Variants in DOP1B observed in about 807,000 individuals in gnomAD.
The protein encoded by DOP1B is DOP1 leucine zipper like protein B.
A neutral mutation model predicts 233.5 loss-of-function variants in DOP1B; 174 were observed. The observed-to-expected ratio is 0.75, with a 90% CI of 0.66 to 0.85. DOP1B has a LOEUF of 0.85. DOP1B is among the 40% of genes least tolerant of loss of function. The pLI, the probability that DOP1B is intolerant of heterozygous loss-of-function variation, is 0.00. For missense variants in DOP1B, 2,652 were observed against 2,846.6 expected (o/e 0.93, Z 1.56); for synonymous variants, 1,190 against 1,185.6 (o/e 1.00, Z -0.08).
Position 36,287,432 on chromosome 21 carries a change from C to T in DOP1B, c.6161-582C>T, listed in dbSNP as rs115790790. 5.7e-3 allele frequency among the ~76,000 whole-genome samples: 860 copies of T among 152,076 alleles called. 11 individuals are homozygous for T. Among genetic ancestry groups the T allele is most frequent in the African/African-American group, 0.02 (822 of 41,478 alleles). ...TGGTCATCCAGTGGATTTCTGGTGA[C>T]AGATGTTCATGTCTTTCTACTCAGC... is the stretch of plus-strand genomic sequence containing the variant. On this transcript the variant is annotated intron_variant, in intron 32 of 36. Coordinates refer to ENST00000691173, the MANE Select transcript of DOP1B (RefSeq NM_001320714.2).
chr21:36,244,544 C>T (rs994041994), intron 18 of DOP1B, among the ~76,000 whole-genome samples: 5 of 152,122 alleles, frequency 3.3e-5, no homozygotes, highest in African/African-American at 1.2e-4. Flanking sequence ...CCTGCCTCAG[C>T]CTCCCGAGTA....
At chr21:36,247,013 G>C (rs1173202739) in intron 19 of DOP1B, among the ~76,000 whole-genome samples, 2 of 152,256 alleles carry the variant, frequency 1.3e-5, no homozygotes, top group Non-Finnish European at 2.9e-5. Context: ...CCGAGTAGCT[G>C]GGATTACAGG....
At chr21:36,273,538 TGTGA>T (rs2067315055) in intron 27 of DOP1B, among the ~76,000 whole-genome samples, 2 of 152,086 alleles carry the variant, frequency 1.3e-5, no homozygotes, top group African/African-American at 4.8e-5. Context: ...GCAGGGCCAC[TGTGA>T]GTGTTACAGA....
chr21:36,257,141 A>G (rs1370517982), intron 23 of DOP1B, among the ~76,000 whole-genome samples: 1 of 152,162 alleles, frequency 6.6e-6, no homozygotes, highest in Non-Finnish European at 1.5e-5. Flanking sequence ...AAAGGCTACT[A>G]CTGAGGATAC....
Position 36,239,888 on chromosome 21 carries a change from C to CCTG in DOP1B, c.3011_3013dup (p.Leu1004dup). On this transcript the variant is annotated inframe_insertion, in exon 18 of 37. Coordinates refer to ENST00000691173, the MANE Select transcript of DOP1B (RefSeq NM_001320714.2). ...TGGCTCGCATCCTCGAACCCGTGCT[C>CCTG]CTGCTGCTGCTGCAGCCAAAAACCC... 2 of 1,607,280 alleles carry CCTG rather than the reference C, an allele frequency of 1.2e-6. No individual in the cohort carries two copies. Among genetic ancestry groups the CCTG allele is most frequent in the South Asian group, 1.1e-5 (1 of 90,256 alleles).
intron 18 of DOP1B, among the ~76,000 whole-genome samples, chr21:36,242,020 A>T (rs1569044430): frequency 6.6e-6 from 1 of 152,028 alleles, no homozygotes; most frequent in Non-Finnish European, 1.5e-5. Flanking sequence ...ATTGTAAGAA[A>T]GTAAAACTGA....
intron 26 of DOP1B, 125 bp downstream of exon 26, chr21:36,263,939 T>TAAACA: frequency 1.0e-6 from 1 of 981,136 alleles, no homozygotes; most frequent in South Asian, 1.5e-5. Context: ...TTTGCACTTG[T>TAAACA]TCTCAAGTCT....
chr21:36,293,324 TC>T lies in DOP1B; in HGVS notation c.6651del (p.Ser2218ValfsTer8), dbSNP rs765024736. 13 of 1,611,706 alleles carry T rather than the reference TC, an allele frequency of 8.1e-6. No individual in the cohort carries two copies. The highest frequency in any genetic ancestry group is 1.3e-5 in the African/African-American group (1 of 74,804). ...LELLKLKFGE[I>X]SSSDEITMKS... ...ATGGGTTTGTTTTTTCTGCAGGAAA[TC>T]AGTAGCTCTGATGAGATCACCATGA... On this transcript the variant is annotated frameshift_variant, in exon 37 of 37. Coordinates refer to ENST00000691173, the MANE Select transcript of DOP1B (RefSeq NM_001320714.2). LOFTEE classifies it low-confidence loss of function (END_TRUNC).
chr21:36,258,950 G>A (rs1004354035), intron 23 of DOP1B, among the ~76,000 whole-genome samples: 1 of 150,718 alleles, frequency 6.6e-6, no homozygotes, highest in Non-Finnish European at 1.5e-5. Flanking sequence ...AAGAACGTAT[G>A]GTCATCCTGT....
chr21:36,276,840 CAAAAAA>C lies in DOP1B; in HGVS notation c.5633-167_5633-162del, dbSNP rs57389991. On this transcript the variant is annotated intron_variant, in intron 27 of 36. Transcript: ENST00000691173. ...TGGGTGACAGGGTGAGACTCCATCTCAAAAAAAAAAAAAAAAAAAGAAAAAGCTGAA... is the reference window on the plus strand; with the variant it reads ...TGGGTGACAGGGTGAGACTCCATCTCAAAAAAAAAAAAAGAAAAAGCTGAA... Among the ~76,000 whole-genome samples, 195 of 106,262 alleles carry C rather than the reference CAAAAAA, an allele frequency of 1.8e-3. 1 individual carries two copies. Among genetic ancestry groups the C allele is most frequent in the Admixed American group, 2.4e-3 (24 of 9,926 alleles). The allele number at this position is 106,262 out of a possible 152,430, so 69.7% of individuals were successfully genotyped here. A position where few individuals can be genotyped will look rare whatever the true frequency, so the allele number is the denominator to read the frequency against.
intron 17 of DOP1B, among the ~76,000 whole-genome samples, chr21:36,239,100 T>C (rs2066861562): frequency 6.6e-6 from 1 of 152,062 alleles, no homozygotes; most frequent in African/African-American, 2.4e-5. Context: ...CGAAACTCCA[T>C]CTCAAACAAA....
rs758367915 is a variant in DOP1B at position 36,239,778 on chromosome 21, G to A, written c.2890G>A (p.Val964Met). ...TTCCCACTGCAGGTCCTTGTTTGTC[G>A]TGCTGGACAGCCTGGCCTGCACGGA... ...NRSFDRSLFV[V>M]LDSLACTDGA... The change falls in exon 18 of 37, where the codon GTG becomes ATG. Residue 964 changes from valine to methionine, a missense_variant. By Grantham distance (21) the Val-to-Met change is conservative. Transcript: ENST00000691173. The A allele has an allele frequency of 6.5e-7, 1 of 1,542,562 alleles. No homozygotes were observed. Among genetic ancestry groups the A allele is most frequent in the Non-Finnish European group, 8.8e-7 (1 of 1,142,760 alleles).
chr21:36,234,681 C>T (rs2066806471), intron 15 of DOP1B, among the ~76,000 whole-genome samples: 1 of 152,026 alleles, frequency 6.6e-6, no homozygotes, highest in Admixed American at 6.6e-5. Context: ...GCTGGGACTA[C>T]AGATGTGCGC....
In DOP1B at chr21:36,232,950, G is replaced by A. The variant is rs976672288; in HGVS notation, c.2497G>A (p.Asp833Asn). Residue 833 changes from aspartate to asparagine, a missense_variant, in exon 15 of 37, where the codon GAC becomes AAC. By Grantham distance (23) the Asp-to-Asn change is conservative (BLOSUM62 1). Around this residue, in one of 3 missense-constraint regions of DOP1B, gnomAD observed 2,617 missense variants for 2,794.3 expected, o/e 0.94. Transcript: ENST00000691173. ...CCAGTCCCTGGCGCTTGTCATTGAA[G>A]ACAAGATGAAACGCTATAAGAGCTC... ...HSQSLALVIE[D>N]KMKRYKSSGH... 1.9e-6 allele frequency: 3 copies of A among 1,614,106 alleles called. No individual in the cohort carries two copies. Among genetic ancestry groups the A allele is most frequent in the Non-Finnish European group, 2.5e-6 (3 of 1,180,036 alleles).
rs759448039 is a variant in DOP1B, at chr21:36,223,257, C to A, written c.1277C>A (p.Ser426Tyr). 1 of 1,607,940 alleles carries A rather than the reference C, an allele frequency of 6.2e-7. No individual in the cohort carries two copies. Among genetic ancestry groups the A allele is most frequent in the Non-Finnish European group, 8.5e-7 (1 of 1,178,496 alleles). The change falls in exon 11 of 37, where the codon TCT (serine) becomes TAT (tyrosine). Residue 426 changes from serine to tyrosine, a missense_variant. By Grantham distance (144) the Ser-to-Tyr change is moderately radical. Transcript: ENST00000691173. ...GCAATCAAGGAAAACAGAAATGCCT[C>A]TGAGATTGTCAAAACGGTAAATTTG... ...ISAIKENRNASEIVKTVNLLI... is the reference protein window; with the variant it reads ...ISAIKENRNAYEIVKTVNLLI...
At position 36,199,229 on chromosome 21, in the gene DOP1B, G is replaced by A. The variant is rs1388358235; in HGVS notation, c.298G>A (p.Ala100Thr). The A allele has an allele frequency of 1.2e-6, 2 of 1,613,808 alleles. No individual in the cohort carries two copies. Among genetic ancestry groups the A allele is most frequent in the Non-Finnish European group, 1.7e-6 (2 of 1,179,972 alleles). Residue 100 changes from alanine to threonine, a missense_variant, in exon 3 of 37, where the codon GCC becomes ACC. Transcript: ENST00000691173. ...IFKIVGTKWL[A>T]KDLFLYSCGL... ...TAAAATCGTGGGGACCAAATGGCTG[G>A]CCAAGGACTTGTTTCTGTACAGGTG...
chr21:36,188,690 CCT>C (rs1184431458), intron 2 of DOP1B, among the ~76,000 whole-genome samples: 1 of 152,194 alleles, frequency 6.6e-6, no homozygotes, highest in African/African-American at 2.4e-5. Context: ...AAATGCAACT[CCT>C]CGTTTGCTTG....
chr21:36,289,068 C>T lies in DOP1B; in HGVS notation c.6377C>T (p.Thr2126Met), dbSNP rs369366196. 4.3e-5 allele frequency: 70 copies of T among 1,612,132 alleles called. No homozygotes were observed. The highest frequency in any genetic ancestry group is 3.6e-4 in the East Asian group (16 of 44,850). Residue 2126 changes from threonine to methionine, a missense_variant, in exon 35 of 37, where the codon ACG becomes ATG. Physicochemically the swap from Thr to Met is moderately conservative, Grantham distance 81 (BLOSUM62 -1). This residue lies in a region of DOP1B where 2,617 missense variants were observed against 2,794.3 expected (regional missense o/e 0.94). Transcript: ENST00000691173. ...SLRSTNKVNRTKVSVPDANGP... is the reference protein window; with the variant it reads ...SLRSTNKVNRMKVSVPDANGP... ...AGAAGCACCAACAAAGTAAACAGAA[C>T]GAAAGTTTCAGTCCCGGATGCAAAT... is the stretch of plus-strand genomic sequence containing the variant.
rs1160221991 is a variant in DOP1B, at chr21:36,245,338, A to G, written c.3358A>G (p.Thr1120Ala). Reference protein sequence around the residue: ...TESADTSSCHTDSENTSSFSS... With the variant: ...TESADTSSCHADSENTSSFSS... ...GTCTGCAGATACAAGCTCCTGCCAC[A>G]CGGACAGCGAGAACACGTCCTCCTT... Residue 1120 changes from threonine (T) to alanine (A), a missense_variant, in exon 19 of 37, where the codon ACG (threonine) becomes GCG (alanine). Physicochemically the swap from Thr to Ala is moderately conservative, Grantham distance 58. Around this residue, in one of 3 missense-constraint regions of DOP1B, gnomAD observed 2,617 missense variants for 2,794.3 expected, o/e 0.94. Coordinates refer to ENST00000691173, the MANE Select transcript of DOP1B (RefSeq NM_001320714.2). This position sits in a 1 kb window ranked among gnomAD's most constrained non-coding sequence, Gnocchi z 5.5. 1.2e-6 allele frequency: 2 copies of G among 1,614,066 alleles called. No homozygotes were observed. The highest frequency in any genetic ancestry group is 2.2e-5 in the East Asian group (1 of 44,876).
Sources: allele counts gnomAD v4.1 joint callset (sites outside exome capture counted in the v4.1 genomes callset), GRCh38; gene constraint gnomAD v4.1.1; regional missense constraint gnomAD v4.1.1; non-coding constraint Gnocchi (gnomAD v3.1); transcripts MANE v1.5; gene names NCBI Gene and HGNC (gene_info 2026-07-23, HGNC 2026-07-21).